SIK3: variants seen among roughly 807,000 people sequenced by gnomAD.
SIK3 encodes serine/threonine-protein kinase SIK3.
Under a neutral mutation model 144.2 loss-of-function variants are expected in SIK3, and 28 were observed. That is an observed-to-expected ratio of 0.19 (90% CI 0.14 to 0.27). The LOEUF (loss-of-function observed/expected upper bound fraction) is 0.27, where lower values mean the gene tolerates loss of function less well. Ranked by LOEUF, SIK3 falls within the 10% of genes least tolerant of loss-of-function variation. The pLI is 1.00. For missense variants in SIK3, 1,319 were observed against 1,776.0 expected (o/e 0.74, Z 4.62); for synonymous variants, 686 against 676.3 (o/e 1.01, Z -0.22).
chr11:117,086,547 C>G (rs3863307), intron 1 of SIK3, among the ~76,000 whole-genome samples: 23,652 of 151,542 alleles, frequency 0.16, 2,449 homozygotes, highest in Non-Finnish European at 0.23. Flanking sequence ...AAAAATTAGC[C>G]GGGTGTGGTG....
chr11:117,049,212 A>G (rs958205300), intron 1 of SIK3, among the ~76,000 whole-genome samples: 3 of 152,234 alleles, frequency 2.0e-5, no homozygotes, highest in Non-Finnish European at 2.9e-5. Context: ...TATAAAAAGT[A>G]GTTGATTCCA....
intron 1 of SIK3, among the ~76,000 whole-genome samples, chr11:117,048,634 C>G (rs891536975): frequency 6.6e-6 from 1 of 151,240 alleles, no homozygotes; most frequent in Non-Finnish European, 1.5e-5. Flanking sequence ...CCAGCCTGGG[C>G]AATAAGAGCG....
chr11:116,953,472 T>C (rs778806623), intron 3 of SIK3, among the ~76,000 whole-genome samples: 2 of 152,218 alleles, frequency 1.3e-5, no homozygotes, highest in Non-Finnish European at 2.9e-5. Flanking sequence ...GATTTGTCAG[T>C]AACAAAGTCT....
chr11:116,890,414 G>A (rs1259620505), intron 6 of SIK3, among the ~76,000 whole-genome samples: 1 of 152,174 alleles, frequency 6.6e-6, no homozygotes, highest in Non-Finnish European at 1.5e-5. Flanking sequence ...TAGTAATAAT[G>A]ACTCCTTGAA....
At position 116,862,307 on chromosome 11, in the gene SIK3, C is replaced by T; in HGVS notation, c.2124G>A (p.Lys708=). 1 of 1,614,188 alleles carries T rather than the reference C, an allele frequency of 6.2e-7. No individual in the cohort carries two copies. Among genetic ancestry groups the T allele is most frequent in the South Asian group, 1.1e-5 (1 of 91,072 alleles). ...QLQQECEQLQ[K]MYGGQIDERT... is the part of the protein sequence containing the mutation. Reference sequence around the variant, plus strand: ...TTTCATCAATCTGCCCCCCGTACATCTTCTGCAGCTGCTCACACTCCTGAA... The same window carrying T: ...TTTCATCAATCTGCCCCCCGTACATTTTCTGCAGCTGCTCACACTCCTGAA... The change falls in exon 17 of 25, where the codon AAG becomes AAA. Residue 708 remains lysine (K), a synonymous_variant. Transcript: ENST00000445177.
rs147803316 is a variant in SIK3, at chr11:116,867,923, G to C, written c.1952+23C>G. On this transcript the variant is annotated intron_variant, in intron 15 of 24. Transcript: ENST00000445177. This position sits in a 1 kb window ranked among gnomAD's most constrained non-coding sequence, Gnocchi z 4.1. Reference sequence around the variant, plus strand: ...CTGTCCGATGAGCCTCAAGGAGCTCGCACAGCTCATGTGGCTACTCACCGA... The same window carrying C: ...CTGTCCGATGAGCCTCAAGGAGCTCCCACAGCTCATGTGGCTACTCACCGA... 6.6e-7 allele frequency: 1 copy of C among 1,509,490 alleles called. No homozygotes were observed. The highest frequency in any genetic ancestry group is 8.9e-7 in the Non-Finnish European group (1 of 1,125,664). 93.5% of individuals were successfully genotyped at this position (1,509,490 alleles called of 1,614,324 possible). A position where few individuals can be genotyped will look rare whatever the true frequency, so the allele number is the denominator to read the frequency against.
intron 1 of SIK3, among the ~76,000 whole-genome samples, chr11:117,045,866 C>CTA (rs1476973200): frequency 8.5e-5 from 13 of 152,326 alleles, no homozygotes; most frequent in East Asian, 3.9e-4. Flanking sequence ...TGTATGAACT[C>CTA]TAAACTTCAC....
At chr11:116,980,784 G>A (rs1013449108) in intron 1 of SIK3, among the ~76,000 whole-genome samples, 2 of 152,050 alleles carry the variant, frequency 1.3e-5, no homozygotes, top group African/African-American at 2.4e-5. Flanking sequence ...CCTAGGAGGC[G>A]GAGGCTGCAG....
intron 4 of SIK3, among the ~76,000 whole-genome samples, chr11:116,910,085 T>C (rs1946257850): frequency 6.6e-6 from 1 of 152,162 alleles, no homozygotes; most frequent in African/African-American, 2.4e-5. Context: ...AGTCACATGA[T>C]TGAAAATATT....
intron 1 of SIK3, among the ~76,000 whole-genome samples, chr11:117,023,621 A>AAAATATATATATATATATATATATAT (rs754624841): frequency 1.0e-5 from 1 of 95,406 alleles, no homozygotes; most frequent in South Asian, 3.8e-4. Context: ...AAAAAAAAAA[A>AAAATATATATATATATATATATATAT]ATATATATAT....
intron 4 of SIK3, among the ~76,000 whole-genome samples, chr11:116,913,543 T>A (rs150660867): frequency 1.6e-4 from 25 of 152,176 alleles, no homozygotes; most frequent in African/African-American, 6.0e-4. Flanking sequence ...TGCATCAAAC[T>A]CAGTACTGAC....
chr11:116,850,924 G>T (rs1942378602), intron 21 of SIK3, among the ~76,000 whole-genome samples: 2 of 152,202 alleles, frequency 1.3e-5, no homozygotes, highest in East Asian at 3.9e-4. Context: ...CAGGGGAATT[G>T]CTTGAACTCA....
chr11:116,998,912 T>C (rs1187791189), intron 1 of SIK3, among the ~76,000 whole-genome samples: 1 of 152,190 alleles, frequency 6.6e-6, no homozygotes, highest in Non-Finnish European at 1.5e-5. Flanking sequence ...TCCAAAAAGC[T>C]TAATCAAACT....
intron 16 of SIK3, among the ~76,000 whole-genome samples, chr11:116,863,274 CAG>C (rs1411121371): frequency 1.3e-5 from 2 of 152,138 alleles, no homozygotes; most frequent in Admixed American, 6.5e-5. Flanking sequence ...TCTTTTAAGA[CAG>C]AGTCTCGTTC....
chr11:116,881,836 A>C (rs1284095004), intron 6 of SIK3, among the ~76,000 whole-genome samples: 1 of 152,238 alleles, frequency 6.6e-6, no homozygotes, highest in African/African-American at 2.4e-5. Context: ...AAACCCTTTA[A>C]GTTAATTTAA....
intron 1 of SIK3, among the ~76,000 whole-genome samples, chr11:116,981,929 A>G (rs970361473): frequency 1.3e-5 from 2 of 152,216 alleles, no homozygotes; most frequent in African/African-American, 4.8e-5. Flanking sequence ...GAATACTTTC[A>G]ACTAAGTTTT....
At chr11:117,071,594 G>C in intron 1 of SIK3, among the ~76,000 whole-genome samples, 1 of 151,992 alleles carries the variant, frequency 6.6e-6, no homozygotes, top group East Asian at 1.9e-4. Flanking sequence ...AAGAAGAAGG[G>C]AGGGGAAAAG....
intron 16 of SIK3, among the ~76,000 whole-genome samples, chr11:116,862,634 T>C (rs932060733): frequency 6.6e-5 from 10 of 152,170 alleles, no homozygotes; most frequent in African/African-American, 9.7e-5. Flanking sequence ...AGAAAGGAAA[T>C]TGGCTCTTTA....
At chr11:117,053,458 T>C (rs1329820620) in intron 1 of SIK3, among the ~76,000 whole-genome samples, 1 of 152,066 alleles carries the variant, frequency 6.6e-6, no homozygotes, top group East Asian at 1.9e-4. Context: ...GCCCTTTCAA[T>C]GCATTTTCCC....
Sources: gnomAD v4.1 joint callset for allele counts (sites outside exome capture counted in the v4.1 genomes callset) on GRCh38, gnomAD v4.1.1 for gene constraint, Gnocchi (gnomAD v3.1) non-coding constraint, MANE v1.5 for transcripts, NCBI Gene and HGNC (gene_info 2026-07-23, HGNC 2026-07-21) for gene names.